STAT5A: variants seen among roughly 807,000 people sequenced by gnomAD.
The protein encoded by STAT5A is epididymis secretory sperm binding protein.
STAT5A carries 26 observed loss-of-function variants against 100.2 expected under a neutral mutation model. The observed-to-expected ratio is 0.26, with a 90% CI of 0.19 to 0.36. The LOEUF is 0.36. Ranked by LOEUF, STAT5A falls within the 10% of genes least tolerant of loss-of-function variation. The pLI is 1.00. For synonymous variants in STAT5A, 330 were observed against 424.3 expected, an observed-to-expected ratio of 0.78 and a Z score of 2.73; for missense variants, 634 against 1,027.5, an observed-to-expected ratio of 0.62 and a Z score of 5.24.
At chr17:42,306,666 G>GC (rs5820455) in intron 13 of STAT5A, among the ~76,000 whole-genome samples, 40,487 of 151,996 alleles carry the variant, frequency 0.27, 6,421 homozygotes, top group African/African-American at 0.43. Flanking sequence ...ATGACGGAGG[G>GC]CCCAGGGCTG....
At chr17:42,296,938 A>ATGTT (rs549428649) in intron 5 of STAT5A, among the ~76,000 whole-genome samples, 18 of 151,914 alleles carry the variant, frequency 1.2e-4, no homozygotes, top group East Asian at 9.7e-4. Flanking sequence ...ATAATTCTAA[A>ATGTT]TGTTTGTTTG....
At chr17:42,305,535 G>T in intron 11 of STAT5A, 75 bp from the exon 12 acceptor site, 1 of 1,190,676 alleles carries the variant, frequency 8.4e-7, no homozygotes, top group South Asian at 1.3e-5. Flanking sequence ...AAATAAAGCA[G>T]ATTGGGCATG....
intron 15 of STAT5A, 74 bp downstream of exon 15, chr17:42,307,797 C>T (rs1041595336): frequency 1.7e-5 from 26 of 1,575,586 alleles, no homozygotes; most frequent in African/African-American, 4.0e-5. Context: ...ACCCCACCCT[C>T]CATCGGGCCT....
chr17:42,297,907 G>A, intron 5 of STAT5A, among the ~76,000 whole-genome samples: 1 of 151,796 alleles, frequency 6.6e-6, no homozygotes, highest in African/African-American at 2.4e-5. Flanking sequence ...GGCCCTCAGG[G>A]GCCAGCCAGG....
At chr17:42,294,267 C>A (rs1462274931) in intron 4 of STAT5A, among the ~76,000 whole-genome samples, 1 of 151,864 alleles carries the variant, frequency 6.6e-6, no homozygotes, top group Non-Finnish European at 1.5e-5. Flanking sequence ...TCTTCCAGCA[C>A]AGCCCCTGTG....
Position 42,300,178 on chromosome 17 carries a change from C to G in STAT5A, c.730C>G (p.Gln244Glu). 2.0e-6 allele frequency: 3 copies of G among 1,499,242 alleles called. No homozygotes were observed. The highest frequency in any genetic ancestry group is 1.2e-5 in the South Asian group (1 of 82,028). 92.9% of individuals were successfully genotyped at this position (1,499,242 alleles called of 1,614,324 possible). A position where few individuals can be genotyped will look rare whatever the true frequency, so the allele number is the denominator to read the frequency against. Reference protein sequence around the residue: ...QKTLQLLRKQQTIILDDELIQ... With the variant: ...QKTLQLLRKQETIILDDELIQ... ...GACCCTGCAGCTGCTGCGGAAGCAG[C>G]AGACCATCATCCTGGATGACGAGCT... The change falls in exon 7 of 19, where the codon CAG becomes GAG. Residue 244 changes from glutamine (Q) to glutamate (E), a missense_variant. Coordinates refer to ENST00000590949, the MANE Select transcript of STAT5A (RefSeq NM_001288718.2).
Position 42,311,160 on chromosome 17 carries a change from A to C in STAT5A, c.*491A>C, listed in dbSNP as rs2081077351. ...GGTCTATGTAAATGCATCTGTCCTC[A>C]TGTGTTGATGTAACCGATTCATCTC... On this transcript the variant is annotated 3_prime_UTR_variant, in exon 19 of 19. Coordinates refer to ENST00000590949, the MANE Select transcript of STAT5A (RefSeq NM_001288718.2). 1 of 169,704 alleles carries C rather than the reference A, an allele frequency of 5.9e-6. No homozygotes were observed. The highest frequency in any genetic ancestry group is 1.3e-5 in the Non-Finnish European group (1 of 76,864). The allele number at this position is 169,704 out of a possible 1,614,324, so 10.5% of individuals were successfully genotyped here.
At chr17:42,301,073 C>T (rs1440813971) in intron 8 of STAT5A, among the ~76,000 whole-genome samples, 2 of 152,076 alleles carry the variant, frequency 1.3e-5, no homozygotes, top group Non-Finnish European at 2.9e-5. Flanking sequence ...GGGCCGCAGC[C>T]CATGCCAGCT....
intron 5 of STAT5A, among the ~76,000 whole-genome samples, chr17:42,299,102 G>T (rs1195871988): frequency 6.6e-6 from 1 of 152,198 alleles, no homozygotes; most frequent in Non-Finnish European, 1.5e-5. Context: ...GGACGAGACA[G>T]AGCCGCCGGG....
chr17:42,307,929 G>A (rs570041345), intron 15 of STAT5A, among the ~76,000 whole-genome samples: 2 of 152,292 alleles, frequency 1.3e-5, no homozygotes, highest in African/African-American at 2.4e-5. Context: ...TAGACTCCAG[G>A]ACGGCTGGGC....
In STAT5A at chr17:42,310,801, TCC is replaced by T; in HGVS notation, c.*133_*134del. ...GCTTGTGTGTGTGTGTGTGTGTGTG[TCC>T]TTGTGCATGAGCTACGCCTGCCTCC... On this transcript the variant is annotated 3_prime_UTR_variant, in exon 19 of 19. Transcript: ENST00000590949. 2 of 1,411,982 alleles carry T rather than the reference TCC, an allele frequency of 1.4e-6. No individual in the cohort carries two copies. The highest frequency in any genetic ancestry group is 1.9e-6 in the Non-Finnish European group (2 of 1,049,852). 87.5% of individuals were successfully genotyped at this position (1,411,982 alleles called of 1,614,324 possible). A position where few individuals can be genotyped will look rare whatever the true frequency, so the allele number is the denominator to read the frequency against.
At chr17:42,298,541 G>C (rs1469684429) in intron 5 of STAT5A, among the ~76,000 whole-genome samples, 1 of 147,492 alleles carries the variant, frequency 6.8e-6, no homozygotes, top group Non-Finnish European at 1.5e-5. Context: ...GCCCAATCTC[G>C]GCTCACTGCA....
chr17:42,310,767 C>T lies in STAT5A; in HGVS notation c.*98C>T, dbSNP rs2081073337. On this transcript the variant is annotated 3_prime_UTR_variant, in exon 19 of 19. Coordinates refer to ENST00000590949, the MANE Select transcript of STAT5A (RefSeq NM_001288718.2). ...CTGTGTACACTGACACCTTTGCAGGCATGCATGTGCTTGTGTGTGTGTGTG... is the reference window on the plus strand; with the variant it reads ...CTGTGTACACTGACACCTTTGCAGGTATGCATGTGCTTGTGTGTGTGTGTG... 8.4e-6 allele frequency: 13 copies of T among 1,545,436 alleles called. No individual in the cohort carries two copies. Among genetic ancestry groups the T allele is most frequent in the South Asian group, 2.4e-5 (2 of 81,884 alleles).
intron 13 of STAT5A, 141 bp downstream of exon 13, chr17:42,306,588 G>C (rs2081031201): frequency 7.6e-7 from 1 of 1,322,904 alleles, no homozygotes; most frequent in African/African-American, 1.5e-5. Flanking sequence ...AGAGATGGGG[G>C]CCCCTAGCCT....
chr17:42,293,359 C>T (rs2080889349), intron 4 of STAT5A, among the ~76,000 whole-genome samples: 1 of 152,178 alleles, frequency 6.6e-6, no homozygotes, highest in African/African-American at 2.4e-5. Context: ...GGCCCACCAC[C>T]ATGCCCGGCT....
Position 42,304,645 on chromosome 17 carries a change from A to G in STAT5A, c.1373A>G (p.Gln458Arg). 1 of 1,614,110 alleles carries G rather than the reference A, an allele frequency of 6.2e-7. No individual in the cohort carries two copies. The highest frequency in any genetic ancestry group is 1.6e-4 in the Middle Eastern group (1 of 6,062). ...GTTGGCAGCAATGAGCTTGTGTTCC[A>G]GGTGAAGGTGAGACCCCCAGCCCTC... ...FSVGSNELVF[Q>R]VKTLSLPVVV... The change falls in exon 11 of 19, where the codon CAG becomes CGG. Residue 458 changes from glutamine (Q) to arginine (R), a missense_variant. Gln to Arg is a conservative substitution (Grantham distance 43, BLOSUM62 1). Transcript: ENST00000590949. The surrounding 1 kb of genome is among the most constrained non-coding windows in gnomAD (Gnocchi z 4.8).
intron 18 of STAT5A, among the ~76,000 whole-genome samples, chr17:42,310,217 G>A (rs2081067144): frequency 6.6e-6 from 1 of 152,266 alleles, no homozygotes; most frequent in Admixed American, 6.5e-5. Context: ...ATTGCAGGTG[G>A]GCAGAGCCCA....
intron 4 of STAT5A, 84 bp from the exon 5 acceptor site, chr17:42,295,535 G>A: frequency 6.9e-7 from 1 of 1,457,784 alleles, no homozygotes; most frequent in Non-Finnish European, 9.3e-7. Flanking sequence ...GGGGTTTGGG[G>A]TCTGTAGTAT....
At position 42,299,790 on chromosome 17, in the gene STAT5A, G is replaced by A. The variant is rs766259233; in HGVS notation, c.590G>A (p.Arg197His). ...AQLAQLSPQE[R>H]LSRETALQQK... Reference sequence around the variant, plus strand: ...CTGGCCCAGCTGAGCCCCCAGGAGCGTCTGAGCCGGGAGACGGCCCTCCAG... The same window carrying A: ...CTGGCCCAGCTGAGCCCCCAGGAGCATCTGAGCCGGGAGACGGCCCTCCAG... Residue 197 changes from arginine to histidine, a missense_variant, in exon 6 of 19, where the codon CGT becomes CAT. Arg to His is a conservative substitution (Grantham distance 29, BLOSUM62 0). Transcript: ENST00000590949. 27 of 1,613,982 alleles carry A rather than the reference G, an allele frequency of 1.7e-5. No homozygotes were observed. Among genetic ancestry groups the A allele is most frequent in the Middle Eastern group, 3.3e-4 (2 of 6,066 alleles).
Sources: allele counts gnomAD v4.1 joint callset (sites outside exome capture counted in the v4.1 genomes callset), GRCh38; gene constraint gnomAD v4.1.1; non-coding constraint Gnocchi (gnomAD v3.1); transcripts MANE v1.5; gene names NCBI Gene and HGNC (gene_info 2026-07-23, HGNC 2026-07-21).